DMD: variants seen among roughly 807,000 people sequenced by gnomAD.
DMD encodes dystrophin, also known as mutant dystrophin.
In DMD, 63 loss-of-function variants were observed where a neutral mutation model predicts 330.1. The ratio of observed to expected loss-of-function variants is 0.19; its 90% confidence interval spans 0.16 to 0.24. DMD has a LOEUF of 0.24. DMD is among the 10% of genes least tolerant of loss of function. DMD has a pLI of 1.00. For synonymous variants in DMD, 1,223 were observed against 959.8 expected, an observed-to-expected ratio of 1.27 and a Z score of -5.07; for missense variants, 3,344 against 2,684.1, an observed-to-expected ratio of 1.25 and a Z score of -5.43.
chrX:31,705,314 A>T (rs900570087), intron 52 of DMD, among the ~76,000 whole-genome samples: 5 of 113,156 alleles, frequency 4.4e-5, no homozygotes, highest in African/African-American at 1.6e-4. Context: ...GACTTTGCCC[A>T]AGTTCTTCCC....
intron 52 of DMD, among the ~76,000 whole-genome samples, chrX:31,688,557 T>C (rs5927805): frequency 0.43 from 47,380 of 110,467 alleles, 8,295 homozygotes; most frequent in African/African-American, 0.63. Flanking sequence ...GGAACTGGTA[T>C]CATTCCTTCT....
At chrX:31,646,481 C>A (rs1302395388) in intron 54 of DMD, among the ~76,000 whole-genome samples, 4 of 111,388 alleles carry the variant, frequency 3.6e-5, no homozygotes, top group Non-Finnish European at 7.5e-5. Context: ...TGGGGTAGGA[C>A]CTACAAATTT....
chrX:31,641,501 C>CA (rs1048854739), intron 54 of DMD, among the ~76,000 whole-genome samples: 841 of 32,552 alleles, frequency 0.026, 12 homozygotes, highest in East Asian at 0.088. Flanking sequence ...GACTCCGTCT[C>CA]AAAAAAAAAA....
chrX:31,966,241 ATAAT>A (rs10531777), intron 45 of DMD, among the ~76,000 whole-genome samples: 31,003 of 109,286 alleles, frequency 0.28, 4,920 homozygotes, highest in African/African-American at 0.6. Context: ...CAGCCCTTCT[ATAAT>A]TAATTGTTAG....
rs139271083 is a variant in DMD, at chrX:31,577,663, A to G, written c.8217+50010T>C. Among the ~76,000 whole-genome samples the G allele has an allele frequency of 7.6e-4, 85 of 112,196 alleles. 2 individuals carry two copies. Among genetic ancestry groups the G allele is most frequent in the African/African-American group, 2.7e-3 (85 of 30,940 alleles). On this transcript the variant is annotated intron_variant, in intron 55 of 78. Coordinates refer to ENST00000357033, the MANE Select transcript of DMD (RefSeq NM_004006.3). ...TAATGGTTAAGTGAAGGGTTTACAA[A>G]ATTTGTTACTATTTTTTGGTCAATC...
At chrX:31,776,481 A>C (rs1238712236) in intron 50 of DMD, among the ~76,000 whole-genome samples, 1 of 108,795 alleles carries the variant, frequency 9.2e-6, no homozygotes, top group Non-Finnish European at 1.9e-5. Flanking sequence ...AATTTCAATA[A>C]AGTGAAGGAT....
chrX:32,073,029 C>T (rs943259515), intron 44 of DMD, among the ~76,000 whole-genome samples: 6 of 111,822 alleles, frequency 5.4e-5, no homozygotes, highest in South Asian at 3.7e-4. Flanking sequence ...GTAATGGTTC[C>T]GGCCAAAAAT....
chrX:32,202,012 T>C (rs2097042046), intron 44 of DMD, among the ~76,000 whole-genome samples: 1 of 111,959 alleles, frequency 8.9e-6, no homozygotes, highest in Non-Finnish European at 1.9e-5. Flanking sequence ...TTTTGGGAAC[T>C]CTATAAGAAG....
At chrX:32,267,139 A>G (rs1225761261) in intron 43 of DMD, among the ~76,000 whole-genome samples, 2 of 112,334 alleles carry the variant, frequency 1.8e-5, no homozygotes, top group Non-Finnish European at 3.8e-5. Context: ...CATAATTTTG[A>G]GTTCTCTTTC....
At position 32,362,958 on chromosome X, in the gene DMD, G is replaced by A. The variant is rs1365170508; in HGVS notation, c.5155C>T (p.Arg1719Cys). 6.6e-6 allele frequency: 8 copies of A among 1,204,283 alleles called. No individual in the cohort carries two copies. In the Admixed American group the frequency reaches 6.7e-5, roughly 10 times the overall value. Reference sequence around the variant, plus strand: ...ATGTCATTCAGTTCTGCCTTTAAACGCTATATTCCATGAGCAAGAGATAGG... The same window carrying A: ...ATGTCATTCAGTTCTGCCTTTAAACACTATATTCCATGAGCAAGAGATAGG... The part of the protein sequence containing the change: ...KPQQKEDVLK[R>C]LKAELNDIRP... The change falls in exon 37 of 79, where the codon CGT becomes TGT. Residue 1719 changes from arginine to cysteine, a missense_variant and splice_region_variant. Coordinates refer to ENST00000357033, the MANE Select transcript of DMD (RefSeq NM_004006.3).
chrX:32,289,555 C>G (rs1207615765), intron 42 of DMD, among the ~76,000 whole-genome samples: 2 of 110,976 alleles, frequency 1.8e-5, no homozygotes, highest in Non-Finnish European at 3.8e-5. Flanking sequence ...GAACAAGATA[C>G]GGGTCACAAA....
intron 41 of DMD, among the ~76,000 whole-genome samples, chrX:32,336,199 T>G (rs1400804262): frequency 2.7e-5 from 3 of 110,597 alleles, no homozygotes; most frequent in Admixed American, 9.7e-5. Flanking sequence ...ATGTCATATA[T>G]ATACATGACA....
At chrX:31,951,165 ATATATATATG>A (rs2095171467) in intron 45 of DMD, among the ~76,000 whole-genome samples, 1 of 93,050 alleles carries the variant, frequency 1.1e-5, no homozygotes, top group African/African-American at 4.3e-5. Context: ...ATATGTATAT[ATATATATATG>A]TATATATATA....
intron 1 of DMD, among the ~76,000 whole-genome samples, chrX:33,249,379 G>C (rs1009334367): frequency 1.8e-5 from 2 of 111,574 alleles, no homozygotes; most frequent in African/African-American, 6.5e-5. Context: ...TCGAACTCCT[G>C]ACCTTAGGTG....
At chrX:33,041,870 T>C in intron 1 of DMD, 3 of 546,643 alleles carry the variant, frequency 5.5e-6, no homozygotes, top group Non-Finnish European at 8.5e-6. Context: ...TAATTTAATA[T>C]GTCAAATAAA....
At chrX:33,331,654 T>C (rs1411892765) in intron 1 of DMD, among the ~76,000 whole-genome samples, 1 of 111,645 alleles carries the variant, frequency 9.0e-6, no homozygotes, top group Non-Finnish European at 1.9e-5. Context: ...ACCATCCATT[T>C]ACCTTCAGGT....
intron 12 of DMD, among the ~76,000 whole-genome samples, chrX:32,601,025 A>T (rs2056147118): frequency 9.0e-6 from 1 of 111,510 alleles, no homozygotes; most frequent in Non-Finnish European, 1.9e-5. Context: ...TTTCTTGGGA[A>T]ATGATGGGGT....
intron 64 of DMD, 69 bp from the exon 65 acceptor site, chrX:31,209,768 C>T (rs774223365): frequency 1.6e-4 from 163 of 1,028,461 alleles, no homozygotes; most frequent in South Asian, 4.2e-4. Context: ...CCTTTTTCCT[C>T]TGAGAATCCT....
At chrX:31,124,864 G>T (rs1308857189) in intron 78 of DMD, among the ~76,000 whole-genome samples, 1 of 111,740 alleles carries the variant, frequency 8.9e-6, no homozygotes, top group Non-Finnish European at 1.9e-5. Context: ...CAAATAAATT[G>T]TTAGCATTCA....
Sources: gnomAD v4.1 joint callset for allele counts (sites outside exome capture counted in the v4.1 genomes callset) on GRCh38, gnomAD v4.1.1 for gene constraint, MANE v1.5 for transcripts, NCBI Gene and HGNC (gene_info 2026-07-23, HGNC 2026-07-21) for gene names.